The following SYNE1 variants were observed in gnomAD, a reference collection of about 807,000 sequenced individuals.
The protein encoded by SYNE1 is nesprin-1.
SYNE1 carries 616 observed loss-of-function variants against 1,111.0 expected under a neutral mutation model. The observed-to-expected ratio is 0.55, with a 90% CI of 0.52 to 0.59. The LOEUF (loss-of-function observed/expected upper bound fraction) is 0.59, where lower values mean the gene tolerates loss of function less well. Ranked by LOEUF, SYNE1 falls within the 20% of genes least tolerant of loss-of-function variation. The pLI is 0.00. For missense variants in SYNE1, 10,006 were observed against 10,417.0 expected (o/e 0.96, Z 1.72); for synonymous variants, 3,855 against 3,825.8 (o/e 1.01, Z -0.28).
chr6:152,136,420 T>C (rs192454215), intron 141 of SYNE1, among the ~76,000 whole-genome samples, 198 bp downstream of exon 141: 1 of 152,364 alleles, frequency 6.6e-6, no homozygotes, highest in East Asian at 1.9e-4. Flanking sequence ...AGATAGGACC[T>C]AGAGATTTTG....
Position 152,202,001 on chromosome 6 carries a change from G to T in SYNE1, c.23020-52C>A, listed in dbSNP as rs182485415. 152 of 1,465,432 alleles carry T rather than the reference G, an allele frequency of 1.0e-4. No individual in the cohort carries two copies. In the East Asian group the frequency reaches 3.4e-3, roughly 32 times the overall value. 90.8% of individuals were successfully genotyped at this position (1,465,432 alleles called of 1,614,324 possible). On this transcript the variant is annotated intron_variant, in intron 126 of 145. Transcript: ENST00000367255. ...ATAGATGTTTTTGATGTAGGAAACT[G>T]GGGGGGGAAAAGAAAAGAAACACTC...
intron 3 of SYNE1, among the ~76,000 whole-genome samples, chr6:152,552,650 GA>G (rs1453905722): frequency 1.3e-5 from 2 of 152,116 alleles, no homozygotes; most frequent in Non-Finnish European, 2.9e-5. Context: ...GTGAACCTGA[GA>G]AATAAGGTCA....
chr6:152,536,390 T>A (rs11967186), intron 4 of SYNE1, among the ~76,000 whole-genome samples: 4,475 of 120,100 alleles, frequency 0.037, 274 homozygotes, highest in African/African-American at 0.12. Flanking sequence ...ATATATATAT[T>A]TATATATATA....
intron 58 of SYNE1, among the ~76,000 whole-genome samples, chr6:152,373,571 C>T (rs906255092): frequency 6.6e-6 from 1 of 152,150 alleles, no homozygotes; most frequent in African/African-American, 2.4e-5. Flanking sequence ...TGAGCCACCA[C>T]ACCCACCTTC....
At chr6:152,525,803 T>C (rs1021954302) in intron 5 of SYNE1, among the ~76,000 whole-genome samples, 10 of 152,202 alleles carry the variant, frequency 6.6e-5, no homozygotes, top group African/African-American at 1.2e-4. Context: ...CAATGGTTAA[T>C]CATGTTAAGT....
intron 14 of SYNE1, among the ~76,000 whole-genome samples, chr6:152,473,712 A>G (rs1360009160): frequency 6.6e-6 from 1 of 151,928 alleles, no homozygotes; most frequent in Non-Finnish European, 1.5e-5. Flanking sequence ...TACCTCCTTT[A>G]CCACACACAG....
chr6:152,384,844 C>T (rs957724503), intron 55 of SYNE1, among the ~76,000 whole-genome samples: 25 of 150,736 alleles, frequency 1.7e-4, no homozygotes, highest in African/African-American at 6.1e-4. Context: ...CGTGCCACTG[C>T]ACTCCAGCCT....
intron 25 of SYNE1, among the ~76,000 whole-genome samples, chr6:152,452,933 G>A (rs1287888861): frequency 6.6e-6 from 1 of 152,184 alleles, no homozygotes; most frequent in East Asian, 1.9e-4. Flanking sequence ...TGCTTCTTCT[G>A]TAAAGTTCTG....
chr6:152,125,962 C>G (rs546313544), intron 145 of SYNE1: 57 of 152,346 alleles, frequency 3.7e-4, no homozygotes, highest in African/African-American at 1.4e-3. Flanking sequence ...AAACTGAAGG[C>G]CAGAGAGACT....
intron 58 of SYNE1, among the ~76,000 whole-genome samples, chr6:152,374,539 C>T (rs754872040): frequency 6.6e-5 from 10 of 152,064 alleles, no homozygotes; most frequent in Non-Finnish European, 1.2e-4. Flanking sequence ...TTTGAGAGGC[C>T]GAGGCGGGCA....
At chr6:152,291,755 G>C (rs752901131) in intron 95 of SYNE1, among the ~76,000 whole-genome samples, 14 of 152,310 alleles carry the variant, frequency 9.2e-5, no homozygotes, top group Non-Finnish European at 7.4e-5. Flanking sequence ...ATGGGGGCTT[G>C]AACAAAGGTG....
chr6:152,516,725 CA>C (rs1279685555), intron 6 of SYNE1, among the ~76,000 whole-genome samples: 1 of 152,014 alleles, frequency 6.6e-6, no homozygotes, highest in Non-Finnish European at 1.5e-5. Flanking sequence ...ACCATAGGCG[CA>C]TGCCACCACA....
chr6:152,307,382 G>A (rs570394023), intron 91 of SYNE1, among the ~76,000 whole-genome samples: 4 of 152,262 alleles, frequency 2.6e-5, no homozygotes, highest in South Asian at 4.1e-4. Context: ...CTCAATGTGA[G>A]TGGTTTGGAA....
At chr6:152,463,729 T>C (rs1378052267) in intron 18 of SYNE1, among the ~76,000 whole-genome samples, 2 of 152,192 alleles carry the variant, frequency 1.3e-5, no homozygotes, top group Non-Finnish European at 2.9e-5. Flanking sequence ...AATTGTGCCA[T>C]ATCATTTGCC....
chr6:152,469,858 A>G, intron 16 of SYNE1, among the ~76,000 whole-genome samples: 1 of 152,160 alleles, frequency 6.6e-6, no homozygotes, highest in Non-Finnish European at 1.5e-5. Context: ...ATCTAAAACA[A>G]TGTGAAACCC....
At chr6:152,456,138 T>C in intron 22 of SYNE1, 94 bp from the exon 23 acceptor site, 2 of 1,352,280 alleles carry the variant, frequency 1.5e-6, no homozygotes, top group Non-Finnish European at 2.0e-6. Context: ...AAGAACAACA[T>C]TATATAGCTT....
intron 87 of SYNE1, among the ~76,000 whole-genome samples, chr6:152,312,160 AT>A (rs1407819145): frequency 2.0e-5 from 3 of 151,420 alleles, no homozygotes; most frequent in African/African-American, 7.3e-5. Flanking sequence ...ACAGATAAAT[AT>A]TTATCTGTAT....
intron 113 of SYNE1, 137 bp from the exon 114 acceptor site, chr6:152,231,704 T>A (rs766960140): frequency 1.1e-5 from 10 of 889,838 alleles, no homozygotes; most frequent in African/African-American, 1.7e-5. Context: ...TTTGTCTGTG[T>A]TCACACAACC....
intron 136 of SYNE1, 120 bp downstream of exon 136, chr6:152,149,357 C>G: frequency 8.2e-7 from 1 of 1,212,870 alleles, no homozygotes; most frequent in African/African-American, 1.5e-5. Context: ...AAAGCTAGGA[C>G]TTGAACTCAG....
Sources: gnomAD v4.1 joint callset for allele counts (sites outside exome capture counted in the v4.1 genomes callset) on GRCh38, gnomAD v4.1.1 for gene constraint, MANE v1.5 for transcripts, NCBI Gene and HGNC (gene_info 2026-07-23, HGNC 2026-07-21) for gene names.